Variants in DNAJC13 observed in about 807,000 individuals in gnomAD.
DNAJC13 encodes the protein DnaJ heat shock protein family (Hsp40) member C13, also known as dnaJ homolog subfamily C member 13.
In DNAJC13, 75 loss-of-function variants were observed where a neutral mutation model predicts 290.5. The ratio of observed to expected loss-of-function variants is 0.26; its 90% CI spans 0.21 to 0.31. The LOEUF (loss-of-function observed/expected upper bound fraction) is 0.31, where lower values mean the gene tolerates loss of function less well. DNAJC13 is among the 10% of genes least tolerant of loss of function. The probability of loss-of-function intolerance (pLI) is 1.00; values close to 1 mark genes in which losing one functional copy is unlikely to be tolerated. For synonymous variants in DNAJC13, 862 were observed against 892.0 expected (o/e 0.97, Z 0.60); for missense variants, 2,260 against 2,674.5 (o/e 0.85, Z 3.42).
chr3:132,513,793 C>T (rs1228398437), intron 45 of DNAJC13, among the ~76,000 whole-genome samples: 3 of 152,068 alleles, frequency 2.0e-5, no homozygotes, highest in South Asian at 2.1e-4. Context: ...GTTCTTTGCC[C>T]AGGCAACCGA....
In DNAJC13 at chr3:132,488,436, G is replaced by A. The variant is rs757346886; in HGVS notation, c.3406G>A (p.Val1136Met). ...TATCATGATGTACACAGGTTCCAAT[G>A]TGCTTCCTGTTGCTCGGTAAGAACT... ...FFIMMYTGSN[V>M]LPVARFLKYT... The change falls in exon 30 of 56, where the codon GTG (valine) becomes ATG (methionine). Residue 1136 changes from valine to methionine, a missense_variant. Coordinates refer to ENST00000260818, the MANE Select transcript of DNAJC13 (RefSeq NM_015268.4). 6.2e-7 allele frequency: 1 copy of A among 1,610,004 alleles called. No individual in the cohort carries two copies. Among genetic ancestry groups the A allele is most frequent in the South Asian group, 1.1e-5 (1 of 90,144 alleles).
At chr3:132,419,122 C>T (rs1383748432) in intron 1 of DNAJC13, among the ~76,000 whole-genome samples, 1 of 152,116 alleles carries the variant, frequency 6.6e-6, no homozygotes, top group Non-Finnish European at 1.5e-5. Flanking sequence ...AACACACGTC[C>T]TTGTGTAGAA....
intron 1 of DNAJC13, among the ~76,000 whole-genome samples, chr3:132,433,866 T>G (rs774349135): frequency 6.6e-6 from 1 of 152,210 alleles, no homozygotes; most frequent in African/African-American, 2.4e-5. Flanking sequence ...AATCACAATA[T>G]GGTGCTAAAG....
At chr3:132,530,929 G>GT in intron 54 of DNAJC13, 69 bp from the exon 55 acceptor site, 6 of 1,440,206 alleles carry the variant, frequency 4.2e-6, no homozygotes, top group Non-Finnish European at 5.8e-6. Flanking sequence ...TTGGAAGTTG[G>GT]TTTTTCTTTT....
At position 132,460,188 on chromosome 3, in the gene DNAJC13, G is replaced by T. The variant is rs1261330005; in HGVS notation, c.1450-62G>T. On this transcript the variant is annotated intron_variant, in intron 13 of 55. Coordinates refer to ENST00000260818, the MANE Select transcript of DNAJC13 (RefSeq NM_015268.4). The stretch of plus-strand genomic sequence containing the variant: ...TGAATACTGTTTATAAATGACTTTT[G>T]CGTGATGCTAGCACATGGGACTGCT... 2.8e-5 allele frequency: 31 copies of T among 1,092,244 alleles called. No homozygotes were observed. The South Asian group carries it at 4.6e-4, about 16-fold the overall frequency. 67.7% of individuals were successfully genotyped at this position (1,092,244 alleles called of 1,614,324 possible). A position where few individuals can be genotyped will look rare whatever the true frequency, so the allele number is the denominator to read the frequency against.
At chr3:132,457,411 G>C (rs892125388) in intron 13 of DNAJC13, 43 bp downstream of exon 13, 1 of 1,501,132 alleles carries the variant, frequency 6.7e-7, no homozygotes, top group African/African-American at 1.4e-5. Flanking sequence ...TTCTTAAGTT[G>C]ACTGGTGGTT....
At chr3:132,529,917 G>A (rs1936365729) in intron 54 of DNAJC13, among the ~76,000 whole-genome samples, 1 of 152,090 alleles carries the variant, frequency 6.6e-6, no homozygotes, top group Admixed American at 6.6e-5. Flanking sequence ...TTTTGCCTAT[G>A]AGTGTTCTAA....
At chr3:132,493,998 T>G in intron 33 of DNAJC13, 146 bp from the exon 34 acceptor site, 1 of 607,058 alleles carries the variant, frequency 1.6e-6, no homozygotes, top group Non-Finnish European at 2.8e-6. Flanking sequence ...GCTCAGGTGA[T>G]TTTGGTTATT....
At chr3:132,506,541 C>CA (rs1935597113) in intron 42 of DNAJC13, among the ~76,000 whole-genome samples, 1 of 54,756 alleles carries the variant, frequency 1.8e-5, no homozygotes, top group Non-Finnish European at 3.1e-5. Flanking sequence ...CAGTGTATTA[C>CA]TTTTTTTTTT....
chr3:132,536,394 TACAC>T (rs573106179), intron 55 of DNAJC13, among the ~76,000 whole-genome samples: 1 of 151,662 alleles, frequency 6.6e-6, no homozygotes, highest in Non-Finnish European at 1.5e-5. Flanking sequence ...ATCTGTTAAA[TACAC>T]ACACACACAG....
At chr3:132,453,154 TTGAAACAACTGC>T in intron 6 of DNAJC13, 132 bp from the exon 7 acceptor site, 1 of 661,654 alleles carries the variant, frequency 1.5e-6, no homozygotes, top group Non-Finnish European at 2.5e-6. Context: ...AGTCTTTTCA[TTGAAACAACTGC>T]TTATTTGCCT....
At chr3:132,443,253 A>G (rs1030088988) in intron 2 of DNAJC13, among the ~76,000 whole-genome samples, 3 of 152,148 alleles carry the variant, frequency 2.0e-5, no homozygotes, top group African/African-American at 7.2e-5. Context: ...CCTGGGTTCA[A>G]GCAATTCTCC....
At chr3:132,482,975 T>A (rs1934729227) in intron 27 of DNAJC13, among the ~76,000 whole-genome samples, 1 of 152,202 alleles carries the variant, frequency 6.6e-6, no homozygotes, top group African/African-American at 2.4e-5. Flanking sequence ...AATTATTCAG[T>A]CCAAGAGCTA....
intron 33 of DNAJC13, among the ~76,000 whole-genome samples, chr3:132,493,779 T>A (rs1230887996): frequency 6.6e-6 from 1 of 152,002 alleles, no homozygotes; most frequent in African/African-American, 2.4e-5. Flanking sequence ...ACGTTTTTCA[T>A]GGTTTCTGGA....
chr3:132,503,168 G>C, intron 40 of DNAJC13, 46 bp from the exon 41 acceptor site: 1 of 1,589,520 alleles, frequency 6.3e-7, no homozygotes, highest in Non-Finnish European at 8.6e-7. Flanking sequence ...TATTACCTAT[G>C]TAAGATAACA....
chr3:132,447,264 A>C, intron 3 of DNAJC13, 57 bp from the exon 4 acceptor site: 2 of 1,325,424 alleles, frequency 1.5e-6, no homozygotes. Flanking sequence ...TGACAAAAAT[A>C]AGCATTACAT....
chr3:132,426,859 T>C (rs1939104742), intron 1 of DNAJC13, among the ~76,000 whole-genome samples: 1 of 151,964 alleles, frequency 6.6e-6, no homozygotes, highest in African/African-American at 2.4e-5. Context: ...TTTAAAAATA[T>C]TAGGTTGGAT....
chr3:132,422,949 A>G (rs184513142), intron 1 of DNAJC13, among the ~76,000 whole-genome samples: 34 of 152,320 alleles, frequency 2.2e-4, no homozygotes, highest in Middle Eastern at 3.4e-3. Context: ...TCTCTTTGCA[A>G]TGGATTAATA....
intron 32 of DNAJC13, among the ~76,000 whole-genome samples, chr3:132,491,839 GC>G (rs1935066634): frequency 2.0e-5 from 3 of 152,074 alleles, no homozygotes; most frequent in Non-Finnish European, 4.4e-5. Flanking sequence ...GCATGTGTTA[GC>G]CAGCAATTTG....
Sources: allele counts gnomAD v4.1 joint callset (sites outside exome capture counted in the v4.1 genomes callset), GRCh38; gene constraint gnomAD v4.1.1; transcripts MANE v1.5; gene names NCBI Gene and HGNC (gene_info 2026-07-23, HGNC 2026-07-21).